ADGRB3: variants seen among roughly 807,000 people sequenced by gnomAD.
The protein encoded by ADGRB3 is brain-specific angiogenesis inhibitor 3.
Under a neutral mutation model 193.4 loss-of-function variants are expected in ADGRB3, and 37 were observed. The ratio of observed to expected loss-of-function variants is 0.19; its 90% CI spans 0.15 to 0.25. The LOEUF (loss-of-function observed/expected upper bound fraction) is 0.25. Ranked by LOEUF, ADGRB3 falls within the 10% of genes least tolerant of loss-of-function variation. The pLI is 1.00. For synonymous variants in ADGRB3, 690 were observed against 644.2 expected (o/e 1.07, Z -1.08); for missense variants, 1,637 against 1,852.9 (o/e 0.88, Z 2.14).
intron 25 of ADGRB3, 64 bp downstream of exon 25, chr6:69,339,078 A>G (rs937720145): frequency 4.5e-6 from 7 of 1,547,024 alleles, no homozygotes; most frequent in Non-Finnish European, 6.2e-6. Flanking sequence ...AGAAAATGCT[A>G]TGATGAAAAA....
At chr6:68,661,789 A>C (rs2127288921) in intron 3 of ADGRB3, among the ~76,000 whole-genome samples, 1 of 151,064 alleles carries the variant, frequency 6.6e-6, no homozygotes, top group African/African-American at 2.4e-5. Flanking sequence ...GTAGAGGTTG[A>C]GTGAAATTTA....
chr6:68,644,317 A>G (rs1240797587), intron 3 of ADGRB3, among the ~76,000 whole-genome samples: 1 of 152,176 alleles, frequency 6.6e-6, no homozygotes, highest in Non-Finnish European at 1.5e-5. Context: ...TAAAATAACA[A>G]GGACTTACTA....
At chr6:69,122,310 G>A (rs984846465) in intron 17 of ADGRB3, among the ~76,000 whole-genome samples, 8 of 151,608 alleles carry the variant, frequency 5.3e-5, no homozygotes, top group African/African-American at 9.7e-5. Flanking sequence ...CCAGTCAGGC[G>A]TGGTGGCACG....
chr6:69,221,149 C>A (rs1048503189), intron 17 of ADGRB3, among the ~76,000 whole-genome samples: 7 of 151,994 alleles, frequency 4.6e-5, no homozygotes, highest in Non-Finnish European at 7.4e-5. Flanking sequence ...AGCAAAATTT[C>A]CTATTCTTTA....
chr6:68,983,438 AG>A (rs1250811516), intron 10 of ADGRB3, among the ~76,000 whole-genome samples: 2 of 149,712 alleles, frequency 1.3e-5, no homozygotes, highest in Non-Finnish European at 3.0e-5. Flanking sequence ...TTTATAGGAT[AG>A]AATATAATTG....
intron 10 of ADGRB3, among the ~76,000 whole-genome samples, chr6:68,992,918 T>A (rs1484164219): frequency 6.6e-6 from 1 of 152,142 alleles, no homozygotes; most frequent in Admixed American, 6.5e-5. Context: ...CATTTTTTTT[T>A]AGTTAATTTT....
intron 30 of ADGRB3, among the ~76,000 whole-genome samples, chr6:69,375,328 A>G (rs1337577604): frequency 3.9e-5 from 6 of 152,100 alleles, no homozygotes; most frequent in Admixed American, 6.6e-5. Context: ...AGAAATACCA[A>G]TTAGGATTGG....
intron 17 of ADGRB3, among the ~76,000 whole-genome samples, chr6:69,193,813 G>A (rs779792084): frequency 1.3e-5 from 2 of 151,742 alleles, no homozygotes; most frequent in Non-Finnish European, 2.9e-5. Context: ...TGAACTATAA[G>A]GCACAGCACA....
chr6:69,129,891 TG>T (rs1773958219), intron 17 of ADGRB3, among the ~76,000 whole-genome samples: 1 of 152,164 alleles, frequency 6.6e-6, no homozygotes, highest in Non-Finnish European at 1.5e-5. Context: ...TCCTAGACTC[TG>T]TTTCATTACC....
In ADGRB3 at chr6:68,916,742, G is replaced by T. The variant is rs115794737; in HGVS notation, c.758-13817G>T. ...TTTTTCAGTTGAAAAAAATCAATTC[G>T]TGCAGAGGAGAAATGAGCTATGCAT... On this transcript the variant is annotated intron_variant, in intron 3 of 31. Transcript: ENST00000370598. 5.3e-3 allele frequency among the ~76,000 whole-genome samples: 813 copies of T among 152,244 alleles called. 9 individuals are homozygous for T. Among genetic ancestry groups the T allele is most frequent in the African/African-American group, 0.018 (765 of 41,540 alleles).
At chr6:68,852,640 G>T (rs1014484656) in intron 3 of ADGRB3, among the ~76,000 whole-genome samples, 16 of 151,956 alleles carry the variant, frequency 1.1e-4, no homozygotes, top group Admixed American at 8.5e-4. Flanking sequence ...AACACTATCA[G>T]TGGCATCTTT....
At position 69,295,305 on chromosome 6, in the gene ADGRB3, T is replaced by C. The variant is rs553225063; in HGVS notation, c.2815-29567T>C. 1.6e-4 allele frequency among the ~76,000 whole-genome samples: 24 copies of C among 152,314 alleles called. No individual in the cohort carries two copies. In the South Asian group the frequency reaches 2.9e-3, roughly 18 times the overall value. ...AAAGTCATCATCATACTGCCTTCAA[T>C]TGAAAAACCGATTCAAGCCTTAGGC... On this transcript the variant is annotated intron_variant, in intron 20 of 31. Coordinates refer to ENST00000370598, the MANE Select transcript of ADGRB3 (RefSeq NM_001704.3).
chr6:69,208,653 A>G (rs1265196117), intron 17 of ADGRB3, among the ~76,000 whole-genome samples: 1 of 152,094 alleles, frequency 6.6e-6, no homozygotes, highest in Non-Finnish European at 1.5e-5. Flanking sequence ...TCCTCTGTCA[A>G]CTGATCATAG....
chr6:68,896,604 G>C (rs953207325), intron 3 of ADGRB3, among the ~76,000 whole-genome samples: 8 of 152,154 alleles, frequency 5.3e-5, no homozygotes, highest in Admixed American at 3.3e-4. Context: ...TGGTAGATAT[G>C]TTAGTTTCAC....
intron 17 of ADGRB3, among the ~76,000 whole-genome samples, chr6:69,084,882 C>T (rs1210237010): frequency 6.6e-6 from 1 of 152,014 alleles, no homozygotes; most frequent in Admixed American, 6.6e-5. Context: ...ATGGGAGGTG[C>T]TCAATAAAGG....
At chr6:69,018,836 G>A (rs1159279787) in intron 13 of ADGRB3, among the ~76,000 whole-genome samples, 1 of 151,840 alleles carries the variant, frequency 6.6e-6, no homozygotes, top group Admixed American at 6.6e-5. Context: ...ATGTGTGTGT[G>A]TGTATACACA....
Position 69,096,204 on chromosome 6 carries a change from A to C in ADGRB3, c.2480+20166A>C, listed in dbSNP as rs186365040. Among the ~76,000 whole-genome samples the C allele has an allele frequency of 2.6e-5, 4 of 152,266 alleles. No homozygotes were observed. The East Asian group carries it at 7.7e-4, about 29-fold the overall frequency. ...TTAGCTTTCCTAATTTTTCACCACT[A>C]ACTGTTATATTCAAAGGTTTAAAAT... On this transcript the variant is annotated intron_variant, in intron 17 of 31. Coordinates refer to ENST00000370598, the MANE Select transcript of ADGRB3 (RefSeq NM_001704.3).
chr6:69,058,214 T>C (rs1013833533), intron 15 of ADGRB3, among the ~76,000 whole-genome samples: 2 of 151,956 alleles, frequency 1.3e-5, no homozygotes, highest in Non-Finnish European at 2.9e-5. Context: ...TTATCTTGTA[T>C]GTTGACATAT....
chr6:69,274,843 C>T (rs554918346), intron 20 of ADGRB3, among the ~76,000 whole-genome samples: 38 of 152,148 alleles, frequency 2.5e-4, no homozygotes, highest in African/African-American at 8.7e-4. Context: ...CTGTGCAGAA[C>T]GGCAATAAAA....
Sources: gnomAD v4.1 joint callset for allele counts (sites outside exome capture counted in the v4.1 genomes callset) on GRCh38, gnomAD v4.1.1 for gene constraint, MANE v1.5 for transcripts, NCBI Gene and HGNC (gene_info 2026-07-23, HGNC 2026-07-21) for gene names.